The following UGT2A2 variants were observed in gnomAD, a reference collection of about 807,000 sequenced individuals.
UGT2A2 encodes the protein UDP-glucuronosyltransferase 2A2.
Under a neutral mutation model 50.7 loss-of-function variants are expected in UGT2A2, and 60 were observed. That is an observed-to-expected ratio of 1.18 (90% CI 0.96 to 1.47). The LOEUF is 1.47. Among genes scored for constraint, UGT2A2 ranks in the 40% most tolerant of loss-of-function variants. The pLI is 0.00. For missense variants in UGT2A2, 762 were observed against 634.0 expected (o/e 1.20, Z -2.17); for synonymous variants, 242 against 214.6 (o/e 1.13, Z -1.11).
chr4:69,601,736 G>T (rs983805992), intron 1 of UGT2A2, among the ~76,000 whole-genome samples: 4 of 139,844 alleles, frequency 2.9e-5, no homozygotes, highest in Non-Finnish European at 6.2e-5. Context: ...CAGAGCTGGT[G>T]CTGGTATCCA....
Position 69,589,644 on chromosome 4 carries a change from C to A in UGT2A2, c.1339G>T (p.Glu447Ter). ...RTVINEPSYK[E>*]NAMRLSRIHH... ...ATTCTTGATAACCTCATAGCATTCTCTTTATAACTAGAAGACAAATAAATA... is the reference window on the plus strand; with the variant it reads ...ATTCTTGATAACCTCATAGCATTCTATTTATAACTAGAAGACAAATAAATA... Residue 447 changes from glutamate to a stop codon, truncating the protein, a stop_gained, in exon 6 of 6, where the codon GAG (glutamate) becomes TAG (stop). Coordinates refer to ENST00000604629, the MANE Select transcript of UGT2A2 (RefSeq NM_001105677.2). LOFTEE classifies it high-confidence loss of function. 1.2e-6 allele frequency: 2 copies of A among 1,603,058 alleles called. No homozygotes were observed. Among genetic ancestry groups the A allele is most frequent in the Non-Finnish European group, 1.7e-6 (2 of 1,174,306 alleles).
chr4:69,619,945 T>A (rs6855271), intron 1 of UGT2A2, among the ~76,000 whole-genome samples: 5 of 151,638 alleles, frequency 3.3e-5, no homozygotes, highest in Non-Finnish European at 7.4e-5. Context: ...GATACCTTTA[T>A]GCAAAAACTC....
In UGT2A2 at chr4:69,610,591, C is replaced by G. The variant is rs111933037; in HGVS notation, c.743-11197G>C. 8.3e-3 allele frequency among the ~76,000 whole-genome samples: 1,270 copies of G among 152,194 alleles called. 20 individuals are homozygous for G. The highest frequency in any genetic ancestry group is 0.029 in the African/African-American group (1,198 of 41,538). On this transcript the variant is annotated intron_variant, in intron 1 of 5. Transcript: ENST00000604629. ...CTCCCCTAAAATTTGTATATGAAGC[C>G]TGACTGTATTTGAAGATAAGGCCTT... is the stretch of plus-strand genomic sequence containing the variant.
chr4:69,591,380 T>A (rs529394535), intron 5 of UGT2A2, among the ~76,000 whole-genome samples: 1 of 152,264 alleles, frequency 6.6e-6, no homozygotes, highest in Admixed American at 6.5e-5. Context: ...ATAGGTAAAT[T>A]TAAACATATT....
intron 1 of UGT2A2, 106 bp downstream of exon 1, chr4:69,638,793 T>A: frequency 7.3e-7 from 1 of 1,361,646 alleles, no homozygotes; most frequent in South Asian, 1.6e-5. Context: ...AAGAAGTCCA[T>A]TATCTTCAGC....
chr4:69,612,715 T>C lies in UGT2A2; in HGVS notation c.743-13321A>G, dbSNP rs139333970. ...AACCGGATTGTCACAATTTACCCTA[T>C]AAAAACATTAATGGAATGTGGATCA... On this transcript the variant is annotated intron_variant, in intron 1 of 5. Coordinates refer to ENST00000604629, the MANE Select transcript of UGT2A2 (RefSeq NM_001105677.2). Among the ~76,000 whole-genome samples, 780 of 152,010 alleles carry C rather than the reference T, an allele frequency of 5.1e-3. 9 individuals are homozygous for C. The highest frequency in any genetic ancestry group is 0.017 in the African/African-American group (713 of 41,510).
At chr4:69,603,065 T>TA (rs1271616285) in intron 1 of UGT2A2, among the ~76,000 whole-genome samples, 2 of 133,780 alleles carry the variant, frequency 1.5e-5, no homozygotes, top group East Asian at 2.1e-4. Flanking sequence ...AGACTCCATC[T>TA]AAAAAAAATA....
rs1718382372 is a variant in UGT2A2, at chr4:69,588,521, A to T, written c.*851T>A. ...CATTAGTGATTTTTAAGCATAATTA[A>T]TTGATGTTTTATGTAATTATTTGTA... On this transcript the variant is annotated 3_prime_UTR_variant, in exon 6 of 6. Coordinates refer to ENST00000604629, the MANE Select transcript of UGT2A2 (RefSeq NM_001105677.2). The T allele has an allele frequency of 3.9e-5, 6 of 152,256 alleles. No homozygotes were observed. The South Asian group carries it at 1.2e-3, about 32-fold the overall frequency. The allele number at this position is 152,256 out of a possible 1,614,324, so 9.4% of individuals were successfully genotyped here.
chr4:69,607,739 C>G (rs1719742214), intron 1 of UGT2A2, among the ~76,000 whole-genome samples: 1 of 152,162 alleles, frequency 6.6e-6, no homozygotes, highest in Non-Finnish European at 1.5e-5. Context: ...AACAAACAAA[C>G]CCATCAACAA....
intron 1 of UGT2A2, among the ~76,000 whole-genome samples, chr4:69,612,399 T>C (rs1720117175): frequency 6.6e-6 from 1 of 151,924 alleles, no homozygotes; most frequent in Admixed American, 6.6e-5. Context: ...ATAAAAACTA[T>C]TCTAAAATTT....
chr4:69,611,880 G>A (rs887159527), intron 1 of UGT2A2, among the ~76,000 whole-genome samples: 3 of 152,006 alleles, frequency 2.0e-5, no homozygotes, highest in South Asian at 2.1e-4. Flanking sequence ...TTACACATAC[G>A]CATTCACATA....
intron 1 of UGT2A2, among the ~76,000 whole-genome samples, chr4:69,632,699 C>A (rs558201488): frequency 1.3e-5 from 2 of 151,910 alleles, no homozygotes; most frequent in Admixed American, 1.3e-4. Flanking sequence ...ACCTGCCTGG[C>A]CAACAGAATG....
At position 69,589,263 on chromosome 4, in the gene UGT2A2, G is replaced by C. The variant is rs1324537401; in HGVS notation, c.*109C>G. The C allele has an allele frequency of 1.5e-6, 2 of 1,345,782 alleles. No homozygotes were observed. The highest frequency in any genetic ancestry group is 2.0e-6 in the Non-Finnish European group (2 of 1,020,926). The allele number at this position is 1,345,782 out of a possible 1,614,324, so 83.4% of individuals were successfully genotyped here. Reference sequence around the variant, plus strand: ...TAGAGAAATAGAAAATTTGGAAACAGGATGGGAGACGTGTTTTTGTTAAAC... The same window carrying C: ...TAGAGAAATAGAAAATTTGGAAACACGATGGGAGACGTGTTTTTGTTAAAC... On this transcript the variant is annotated 3_prime_UTR_variant, in exon 6 of 6. Transcript: ENST00000604629.
chr4:69,620,337 C>A (rs193223944), intron 1 of UGT2A2, among the ~76,000 whole-genome samples: 4 of 136,746 alleles, frequency 2.9e-5, no homozygotes, highest in Non-Finnish European at 6.5e-5. Context: ...TATACACCAA[C>A]AGCGAAGCAG....
intron 1 of UGT2A2, among the ~76,000 whole-genome samples, chr4:69,613,393 T>C (rs906106915): frequency 1.3e-5 from 2 of 151,984 alleles, no homozygotes; most frequent in African/African-American, 4.8e-5. Context: ...ACTGTTGAAT[T>C]CTACCAAACA....
At chr4:69,624,609 T>G (rs772188591) in intron 1 of UGT2A2, among the ~76,000 whole-genome samples, 22 of 151,370 alleles carry the variant, frequency 1.5e-4, no homozygotes, top group Non-Finnish European at 2.8e-4. Context: ...TTTTAGCTTA[T>G]TAAATATTCT....
chr4:69,596,165 A>G lies in UGT2A2; in HGVS notation c.1023+85T>C, dbSNP rs1718912889. On this transcript the variant is annotated intron_variant, in intron 3 of 5. Coordinates refer to ENST00000604629, the MANE Select transcript of UGT2A2 (RefSeq NM_001105677.2). ...GATACTCAGTGTATAATGAGTTTTGATTTTCATATGGAAAGAACATTACTA... is the reference window on the plus strand; with the variant it reads ...GATACTCAGTGTATAATGAGTTTTGGTTTTCATATGGAAAGAACATTACTA... The G allele has an allele frequency of 4.4e-6, 6 of 1,368,888 alleles. No homozygotes were observed. The African/African-American group carries it at 5.9e-5, about 13-fold the overall frequency. 84.8% of individuals were successfully genotyped at this position (1,368,888 alleles called of 1,614,324 possible).
At chr4:69,618,186 CAT>C (rs1491388087) in intron 1 of UGT2A2, among the ~76,000 whole-genome samples, 90 of 51,164 alleles carry the variant, frequency 1.8e-3, no homozygotes, top group African/African-American at 5.9e-3. Context: ...GGCCAGTAAG[CAT>C]GTGTGTGTGT....
chr4:69,594,336 G>T, intron 5 of UGT2A2, 141 bp downstream of exon 5: 2 of 1,154,982 alleles, frequency 1.7e-6, no homozygotes, highest in South Asian at 1.7e-5. Flanking sequence ...TAGCAGTTTG[G>T]CAAATAAAAT....
Sources: gnomAD v4.1 joint callset for allele counts (sites outside exome capture counted in the v4.1 genomes callset) on GRCh38, gnomAD v4.1.1 for gene constraint, MANE v1.5 for transcripts, NCBI Gene and HGNC (gene_info 2026-07-23, HGNC 2026-07-21) for gene names.